Variants in PTPRR observed in about 807,000 individuals in gnomAD.
PTPRR encodes the protein receptor-type tyrosine-protein phosphatase R.
PTPRR carries 38 observed loss-of-function variants against 77.2 expected under a neutral mutation model. That is an observed-to-expected ratio of 0.49 (90% CI 0.38 to 0.65). The LOEUF (loss-of-function observed/expected upper bound fraction) is 0.65, where lower values mean the gene tolerates loss of function less well. Among genes scored for constraint, PTPRR ranks in the 30% least tolerant of loss-of-function variants. The pLI is 0.00. For synonymous variants in PTPRR, 299 were observed against 283.1 expected, an observed-to-expected ratio of 1.06 and a Z score of -0.57; for missense variants, 744 against 799.2, an observed-to-expected ratio of 0.93 and a Z score of 0.83.
chr12:70,840,259 C>T (rs1892374446), intron 2 of PTPRR, among the ~76,000 whole-genome samples: 1 of 152,078 alleles, frequency 6.6e-6, no homozygotes, highest in South Asian at 2.1e-4. Context: ...CTTGTGGCCC[C>T]ATTCTTCCAT....
chr12:70,870,997 G>T (rs1297961814), intron 2 of PTPRR, among the ~76,000 whole-genome samples: 1 of 152,160 alleles, frequency 6.6e-6, no homozygotes, highest in Non-Finnish European at 1.5e-5. Context: ...GGAAATAGAG[G>T]TTCACTGAAC....
In PTPRR at chr12:70,808,681, C is replaced by G. The variant is rs117274537; in HGVS notation, c.358-43903G>C. ...GTCCTCTATGAATGAATCTCAAAAT[C>G]TCTTTATAAATTCAGAGCACATAAC... On this transcript the variant is annotated intron_variant, in intron 2 of 13. Transcript: ENST00000283228. Among the ~76,000 whole-genome samples the G allele has an allele frequency of 9.8e-4, 149 of 152,266 alleles. 2 individuals are homozygous for G. In the East Asian group the frequency reaches 0.027, roughly 28 times the overall value.
At chr12:70,829,057 T>G (rs1406559200) in intron 2 of PTPRR, among the ~76,000 whole-genome samples, 2 of 152,124 alleles carry the variant, frequency 1.3e-5, no homozygotes, top group Non-Finnish European at 2.9e-5. Flanking sequence ...TGGACTGTGA[T>G]GGAGACATGC....
At chr12:70,907,342 C>T (rs1395300472) in intron 1 of PTPRR, among the ~76,000 whole-genome samples, 1 of 152,152 alleles carries the variant, frequency 6.6e-6, no homozygotes, top group Non-Finnish European at 1.5e-5. Context: ...TGTTTTTTCA[C>T]ATTTCCCAAA....
chr12:70,900,417 C>G (rs1197717239), intron 1 of PTPRR, among the ~76,000 whole-genome samples: 1 of 150,438 alleles, frequency 6.6e-6, no homozygotes, highest in Non-Finnish European at 1.5e-5. Context: ...AACAATAAAA[C>G]TACTAGAAGA....
chr12:70,889,246 A>G (rs1009341673), intron 2 of PTPRR, among the ~76,000 whole-genome samples: 5 of 152,352 alleles, frequency 3.3e-5, no homozygotes, highest in Middle Eastern at 3.4e-3. Flanking sequence ...TTGTCTATTG[A>G]AAAAGTATCC....
chr12:70,867,538 GAT>G (rs1369579358), intron 2 of PTPRR, among the ~76,000 whole-genome samples: 2 of 151,624 alleles, frequency 1.3e-5, no homozygotes, highest in Non-Finnish European at 2.9e-5. Context: ...AATAAAAGAG[GAT>G]ACAAACAAAT....
At chr12:70,918,028 C>G (rs1169934695) in intron 1 of PTPRR, among the ~76,000 whole-genome samples, 2 of 152,182 alleles carry the variant, frequency 1.3e-5, no homozygotes, top group African/African-American at 4.8e-5. Flanking sequence ...ATAAAAGTAA[C>G]AAACTCACAC....
At chr12:70,808,312 G>C (rs1238922283) in intron 2 of PTPRR, among the ~76,000 whole-genome samples, 2 of 152,058 alleles carry the variant, frequency 1.3e-5, no homozygotes, top group Non-Finnish European at 2.9e-5. Flanking sequence ...GATTCTAGTT[G>C]CCCTGAACTT....
intron 2 of PTPRR, among the ~76,000 whole-genome samples, chr12:70,870,878 T>C (rs536869157): frequency 6.6e-6 from 1 of 152,174 alleles, no homozygotes; most frequent in Admixed American, 6.5e-5. Flanking sequence ...TAAAGCAACA[T>C]GAGCAGAGAA....
intron 1 of PTPRR, among the ~76,000 whole-genome samples, chr12:70,895,037 A>G (rs1459785968): frequency 6.6e-6 from 1 of 151,746 alleles, no homozygotes; most frequent in Non-Finnish European, 1.5e-5. Flanking sequence ...CGTGGAATAA[A>G]GCACTTGGGC....
intron 6 of PTPRR, among the ~76,000 whole-genome samples, chr12:70,739,475 A>AC: frequency 6.6e-6 from 1 of 152,230 alleles, no homozygotes; most frequent in African/African-American, 2.4e-5. Flanking sequence ...AAGATTCTTT[A>AC]GAAACAGACG....
chr12:70,749,815 T>G (rs1565680954), intron 5 of PTPRR, among the ~76,000 whole-genome samples: 1 of 152,214 alleles, frequency 6.6e-6, no homozygotes, highest in Non-Finnish European at 1.5e-5. Flanking sequence ...TTTCTAAAAC[T>G]GCTTTCCAGA....
At chr12:70,642,238 CT>C (rs1249155166) in intron 13 of PTPRR, among the ~76,000 whole-genome samples, 1 of 151,864 alleles carries the variant, frequency 6.6e-6, no homozygotes, top group African/African-American at 2.4e-5. Context: ...GTCAACAAGA[CT>C]TTTTTTGAAT....
At chr12:70,704,521 C>T (rs1371097281) in intron 6 of PTPRR, among the ~76,000 whole-genome samples, 13 of 152,092 alleles carry the variant, frequency 8.5e-5, no homozygotes, top group African/African-American at 2.9e-4. Context: ...GTTTTGACTT[C>T]CCACAGTATA....
rs144943227 is a variant in PTPRR at position 70,681,352 on chromosome 12, G to C, written c.1497+2775C>G. On this transcript the variant is annotated intron_variant, in intron 10 of 13. Transcript: ENST00000283228. ...ATGTGGGCTCCTTCTCTGGGGCATT[G>C]CAGCCATGTGGCTGTCAGGCAGCTC... Among the ~76,000 whole-genome samples the C allele has an allele frequency of 2.1e-3, 318 of 152,362 alleles. 3 individuals are homozygous for C. Among genetic ancestry groups the C allele is most frequent in the South Asian group, 0.018 (88 of 4,830 alleles).
intron 2 of PTPRR, among the ~76,000 whole-genome samples, chr12:70,879,242 T>G (rs762799027): frequency 5.9e-5 from 9 of 151,936 alleles, no homozygotes; most frequent in Admixed American, 1.3e-4. Context: ...CCTAGAACTT[T>G]AAGTATAATT....
At chr12:70,681,498 C>T (rs546370103) in intron 10 of PTPRR, among the ~76,000 whole-genome samples, 4 of 152,304 alleles carry the variant, frequency 2.6e-5, no homozygotes, top group African/African-American at 9.6e-5. Flanking sequence ...ACTGGGGATG[C>T]ATCTCCTTGT....
chr12:70,691,370 C>T lies in PTPRR; in HGVS notation c.1280-6587G>A, dbSNP rs1055932272. On this transcript the variant is annotated intron_variant, in intron 8 of 13. Transcript: ENST00000283228. ...ACACAACGTTCTGGTTTTCCTGCTC[C>T]CTTTTCGGTGGCCTCTTTCCAATCT... Among the ~76,000 whole-genome samples the T allele has an allele frequency of 2.0e-5, 3 of 152,038 alleles. No homozygotes were observed. In the East Asian group the frequency reaches 5.8e-4, roughly 29 times the overall value.
Sources: gnomAD v4.1 joint callset for allele counts (sites outside exome capture counted in the v4.1 genomes callset) on GRCh38, gnomAD v4.1.1 for gene constraint, MANE v1.5 for transcripts, NCBI Gene and HGNC (gene_info 2026-07-23, HGNC 2026-07-21) for gene names.